CEP72: variants seen among roughly 807,000 people sequenced by gnomAD.
CEP72 encodes the protein centrosomal protein 72.
CEP72 carries 78 observed loss-of-function variants against 65.7 expected under a neutral mutation model. The ratio of observed to expected loss-of-function variants is 1.19; its 90% confidence interval spans 0.99 to 1.43. The LOEUF (loss-of-function observed/expected upper bound fraction) is 1.43. Ranked by LOEUF, CEP72 falls within the 40% of genes most tolerant of loss-of-function variation. CEP72 has a pLI of 0.00. For synonymous variants in CEP72, 358 were observed against 351.7 expected, an observed-to-expected ratio of 1.02 and a Z score of -0.20; for missense variants, 914 against 832.9, an observed-to-expected ratio of 1.10 and a Z score of -1.20.
intron 4 of CEP72, among the ~76,000 whole-genome samples, chr5:625,793 G>A (rs1736716435): frequency 6.6e-6 from 1 of 152,074 alleles, no homozygotes; most frequent in Non-Finnish European, 1.5e-5. Context: ...GGCGTTGTTT[G>A]TCTCGGAGGG....
chr5:635,624 C>G, intron 6 of CEP72, 40 bp downstream of exon 6: 1 of 1,402,134 alleles, frequency 7.1e-7, no homozygotes, highest in Non-Finnish European at 1.0e-6. Flanking sequence ...GTTGCTGTAA[C>G]AGAAAACCAC....
intron 10 of CEP72, among the ~76,000 whole-genome samples, chr5:646,270 C>A (rs1450827568): frequency 2.0e-5 from 3 of 152,196 alleles, no homozygotes; most frequent in African/African-American, 7.2e-5. Context: ...GAGTTCAGAA[C>A]CCTCTTTTCT....
chr5:649,982 T>C (rs1296299215), intron 11 of CEP72, among the ~76,000 whole-genome samples: 2 of 25,712 alleles, frequency 7.8e-5, no homozygotes, highest in Admixed American at 5.0e-4. Flanking sequence ...GAGGTGTGAC[T>C]GTGAGGCGTG....
At position 639,152 on chromosome 5, in the gene CEP72, G is replaced by C. The variant is rs201346473; in HGVS notation, c.1270G>C (p.Glu424Gln). The C allele has an allele frequency of 6.2e-7, 1 of 1,612,798 alleles. No homozygotes were observed. The highest frequency in any genetic ancestry group is 8.5e-7 in the Non-Finnish European group (1 of 1,179,636). The change falls in exon 8 of 12, where the codon GAG becomes CAG. Residue 424 changes from glutamate (E) to glutamine (Q), a missense_variant. Transcript: ENST00000264935. ...GACGGCCCTGCAGGCGGCGCTCCTG[G>C]AGACGCTCTTGGACCTGGTGGACAG... ...KKTALQAALL[E>Q]TLLDLVDRSW... is the part of the protein sequence containing the mutation.
the CEP72 span, chr5:676,437 G>A: frequency 6.6e-6 from 1 of 152,254 alleles, no homozygotes; most frequent in Non-Finnish European, 1.5e-5. Flanking sequence ...TTCCACACAG[G>A]GGCATCTGAC....
chr5:669,008 GAC>G (rs1263025839), downstream of CEP72, among the ~76,000 whole-genome samples: 2 of 152,220 alleles, frequency 1.3e-5, no homozygotes, highest in Non-Finnish European at 2.9e-5. Flanking sequence ...GTGTCCTAAA[GAC>G]ACAACAGACA....
rs532294896 is a variant in CEP72 at position 652,606 on chromosome 5, A to G, written c.1779-382A>G. Among the ~76,000 whole-genome samples the G allele has an allele frequency of 3.3e-5, 5 of 152,360 alleles. No homozygotes were observed. In the South Asian group the frequency reaches 1.0e-3, roughly 32 times the overall value. On this transcript the variant is annotated intron_variant, in intron 11 of 11. Transcript: ENST00000264935. ...TTTGACTGGGAATTAGAACTATTTC[A>G]GTCCCCGTATATTTTCTAGAATTAG...
chr5:669,054 G>A (rs192181249), downstream of CEP72, among the ~76,000 whole-genome samples: 90 of 152,344 alleles, frequency 5.9e-4, no homozygotes, highest in African/African-American at 2.0e-3. Context: ...AAGAAATCGC[G>A]CTGAGAAACA....
At chr5:641,594 G>A (rs1738031090) in intron 9 of CEP72, 1 of 982,478 alleles carries the variant, frequency 1.0e-6, no homozygotes, top group African/African-American at 1.8e-5. Context: ...CCGCCTGGAA[G>A]CCTCTGCACG....
chr5:648,886 ACTGTGAGGC>A (rs1738667403), intron 11 of CEP72, among the ~76,000 whole-genome samples: 1 of 81,874 alleles, frequency 1.2e-5, no homozygotes, highest in African/African-American at 5.0e-5. Context: ...GTGAGGTGTG[ACTGTGAGGC>A]GTGGACTGTG....
At chr5:633,681 C>A in intron 4 of CEP72, 88 bp from the exon 5 acceptor site, 1 of 1,276,778 alleles carries the variant, frequency 7.8e-7, no homozygotes, top group Non-Finnish European at 1.1e-6. Flanking sequence ...TCTCAGAGAC[C>A]GTGCAGGAAT....
At chr5:649,255 CTG>C (rs1738728928) in intron 11 of CEP72, among the ~76,000 whole-genome samples, 2 of 80,338 alleles carry the variant, frequency 2.5e-5, no homozygotes, top group African/African-American at 1.3e-4. Context: ...GAGGTGTGGA[CTG>C]TGAGGTGTGA....
chr5:672,914 G>A, the CEP72 span, among the ~76,000 whole-genome samples: 5 of 152,336 alleles, frequency 3.3e-5, no homozygotes, highest in East Asian at 1.9e-4. Context: ...ACAAACAAGC[G>A]CTGCCATGGC....
chr5:649,894 GAGGTGTGACTGAGGTGT>G (rs1738840524), intron 11 of CEP72, among the ~76,000 whole-genome samples: 1 of 131,114 alleles, frequency 7.6e-6, no homozygotes, highest in Non-Finnish European at 1.6e-5. Context: ...GTGGGACTGT[GAGGTGTGACTGAGGTGT>G]GACTGTGAGG....
At chr5:620,413 C>A in intron 3 of CEP72, 152 bp downstream of exon 3, 1 of 677,750 alleles carries the variant, frequency 1.5e-6, no homozygotes, top group Non-Finnish European at 2.5e-6. Context: ...TGAGTTCCTG[C>A]AGACACACAG....
chr5:620,018 T>C (rs1180859197), intron 2 of CEP72, 51 bp from the exon 3 acceptor site: 1 of 1,479,378 alleles, frequency 6.8e-7, no homozygotes, highest in African/African-American at 1.4e-5. Context: ...TATTTCACTG[T>C]GTATTTCTTG....
chr5:618,934 T>C, intron 1 of CEP72, 56 bp from the exon 2 acceptor site: 1 of 1,409,004 alleles, frequency 7.1e-7, no homozygotes, highest in East Asian at 2.4e-5. Context: ...ACTTGACCGT[T>C]ATTATAATTG....
chr5:671,057 A>G (rs1201748892), downstream of CEP72, among the ~76,000 whole-genome samples: 2 of 151,982 alleles, frequency 1.3e-5, no homozygotes, highest in African/African-American at 4.8e-5. Flanking sequence ...CTCTAACCCC[A>G]GGCACACCCA....
chr5:640,666 C>A, intron 9 of CEP72, 62 bp downstream of exon 9: 4 of 1,519,594 alleles, frequency 2.6e-6, no homozygotes, highest in Non-Finnish European at 8.8e-7. Context: ...GCTCTGACTT[C>A]CAGGAACGAG....
Sources: gnomAD v4.1 joint callset for allele counts (sites outside exome capture counted in the v4.1 genomes callset) on GRCh38, gnomAD v4.1.1 for gene constraint, MANE v1.5 for transcripts, NCBI Gene and HGNC (gene_info 2026-07-23, HGNC 2026-07-21) for gene names.